The following MIR2052HG variants were observed in gnomAD, a reference collection of about 807,000 sequenced individuals.
MIR2052HG encodes the protein MIR2052 host gene.
At chr8:74,701,973 T>C (rs1341920916) in intron 2 of MIR2052HG, among the ~76,000 whole-genome samples, 1 of 152,098 alleles carries the variant, frequency 6.6e-6, no homozygotes, top group Non-Finnish European at 1.5e-5. Context: ...GGTAAATCTT[T>C]GAGGCATTGC....
chr8:74,708,155 G>A (rs553951565), intron 4 of MIR2052HG, among the ~76,000 whole-genome samples: 4 of 152,208 alleles, frequency 2.6e-5, no homozygotes, highest in South Asian at 4.1e-4. Flanking sequence ...AAGAGACCCC[G>A]TGATCTGGCA....
intron 2 of MIR2052HG, among the ~76,000 whole-genome samples, chr8:74,634,863 A>G (rs544632190): frequency 6.6e-6 from 1 of 152,154 alleles, no homozygotes; most frequent in East Asian, 1.9e-4. Flanking sequence ...TTGGCAGGGC[A>G]ATTGATTGAT....
chr8:74,743,761 A>G (rs2128755962), intron 4 of MIR2052HG, among the ~76,000 whole-genome samples: 1 of 152,170 alleles, frequency 6.6e-6, no homozygotes, highest in Non-Finnish European at 1.5e-5. Flanking sequence ...CCAGTCCCAC[A>G]TCACTGAAAT....
rs1809117532 is a variant in MIR2052HG, at chr8:74,680,964, C to CA, written n.217-21409dup. Among the ~76,000 whole-genome samples, 3 of 148,748 alleles carry CA rather than the reference C, an allele frequency of 2.0e-5. No individual in the cohort carries two copies. The Admixed American group carries it at 2.0e-4, about 10-fold the overall frequency. On this transcript the variant is annotated intron_variant and non_coding_transcript_variant, in intron 2 of 6. Transcript: ENST00000523442. ...CATTCTCAGTAAACTATCGCAAGAA[C>CA]AAAAAACCAAACACCGCATATTCTC...
At chr8:74,602,876 T>TCTTTCTTTTCTTTC (rs1554570015) in intron 1 of MIR2052HG, among the ~76,000 whole-genome samples, 26 of 137,058 alleles carry the variant, frequency 1.9e-4, no homozygotes, top group Non-Finnish European at 2.5e-4. Context: ...TTTCTTTCTT[T>TCTTTCTTTTCTTTC]TTTCTATTCA....
chr8:74,650,950 T>G (rs1172314732), intron 2 of MIR2052HG, among the ~76,000 whole-genome samples: 2 of 152,162 alleles, frequency 1.3e-5, no homozygotes. Flanking sequence ...ATAATTCAAA[T>G]ACTGCCATTT....
intron 4 of MIR2052HG, among the ~76,000 whole-genome samples, chr8:74,747,748 A>G (rs556966357): frequency 6.6e-6 from 1 of 152,310 alleles, no homozygotes; most frequent in South Asian, 2.1e-4. Flanking sequence ...TCTAATTTGG[A>G]AGACAATGTA....
chr8:74,600,828 C>G (rs1421860545), intron 1 of MIR2052HG, among the ~76,000 whole-genome samples: 4 of 152,062 alleles, frequency 2.6e-5, no homozygotes, highest in Admixed American at 6.5e-5. Flanking sequence ...CCAGCCTGAG[C>G]CTCCCAAAGT....
chr8:74,640,152 A>G (rs991592884), intron 2 of MIR2052HG, among the ~76,000 whole-genome samples: 1 of 152,112 alleles, frequency 6.6e-6, no homozygotes, highest in African/African-American at 2.4e-5. Context: ...GCTTCTCTCA[A>G]TGCGGAAATA....
chr8:74,706,858 G>A (rs1809416098), intron 4 of MIR2052HG, among the ~76,000 whole-genome samples: 1 of 152,030 alleles, frequency 6.6e-6, no homozygotes, highest in Non-Finnish European at 1.5e-5. Context: ...GGCATATTCT[G>A]CTTCTAGGCA....
At chr8:74,696,941 A>G (rs1809303291) in intron 2 of MIR2052HG, among the ~76,000 whole-genome samples, 1 of 152,142 alleles carries the variant, frequency 6.6e-6, no homozygotes, top group Non-Finnish European at 1.5e-5. Flanking sequence ...CGAGATAGAG[A>G]AAGAGGGAAT....
Position 74,692,753 on chromosome 8 carries a change from G to C in MIR2052HG, n.217-9626G>C, listed in dbSNP as rs116533526. ...CGCTTGCCTAAGGCATTAAAGTTCA[G>C]GTTAACAGTTCTGTCTTAGTAAAAC... On this transcript the variant is annotated intron_variant and non_coding_transcript_variant, in intron 2 of 6. Transcript: ENST00000523442. 1.7e-3 allele frequency among the ~76,000 whole-genome samples: 265 copies of C among 152,274 alleles called. 1 individual carries two copies. Among genetic ancestry groups the C allele is most frequent in the African/African-American group, 6.1e-3 (254 of 41,544 alleles).
At chr8:74,675,886 T>C (rs577309854) in intron 2 of MIR2052HG, among the ~76,000 whole-genome samples, 2 of 152,128 alleles carry the variant, frequency 1.3e-5, no homozygotes, top group East Asian at 1.9e-4. Context: ...CTAAATGTTA[T>C]TAGTATCGGT....
At chr8:74,744,290 A>G (rs1809859977) in intron 4 of MIR2052HG, among the ~76,000 whole-genome samples, 2 of 139,346 alleles carry the variant, frequency 1.4e-5, no homozygotes, top group African/African-American at 4.9e-5. Context: ...TATTTTTTCA[A>G]TTTTTAGAGA....
chr8:74,610,088 A>T, intron 1 of MIR2052HG: 1 of 151,890 alleles, frequency 6.6e-6, no homozygotes, highest in South Asian at 2.1e-4. Flanking sequence ...CTCAGCTTAC[A>T]TCTGTTCTTT....
At chr8:74,670,398 TA>T (rs1808978911) in intron 2 of MIR2052HG, among the ~76,000 whole-genome samples, 1 of 152,160 alleles carries the variant, frequency 6.6e-6, no homozygotes, top group Admixed American at 6.6e-5. Flanking sequence ...GCTATATATC[TA>T]AAGAAACTCC....
intron 2 of MIR2052HG, among the ~76,000 whole-genome samples, chr8:74,622,004 T>G (rs1211756461): frequency 2.0e-5 from 3 of 152,150 alleles, no homozygotes; most frequent in Non-Finnish European, 2.9e-5. Flanking sequence ...TGATTTTTTT[T>G]GGGTATGACC....
At chr8:74,636,187 A>G (rs1401108111) in intron 2 of MIR2052HG, among the ~76,000 whole-genome samples, 1 of 152,104 alleles carries the variant, frequency 6.6e-6, no homozygotes, top group East Asian at 1.9e-4. Flanking sequence ...TGTTTCTTCT[A>G]GAGGGGGATC....
intron 2 of MIR2052HG, among the ~76,000 whole-genome samples, chr8:74,632,233 G>C (rs1808520884): frequency 6.6e-6 from 1 of 152,090 alleles, no homozygotes. Context: ...TATTGATAGT[G>C]GCTTCTCCTG....
Sources: allele counts gnomAD v4.1 joint callset (sites outside exome capture counted in the v4.1 genomes callset), GRCh38; gene constraint gnomAD v4.1.1; transcripts MANE v1.5; gene names NCBI Gene and HGNC (gene_info 2026-07-23, HGNC 2026-07-21).